The following SEMA5A variants were observed in gnomAD, a reference collection of about 807,000 sequenced individuals.
SEMA5A encodes semaphorin 5A.
In SEMA5A, 55 loss-of-function variants were observed where a neutral mutation model predicts 135.5. That is an observed-to-expected ratio of 0.41 (90% CI 0.33 to 0.51). The LOEUF (loss-of-function observed/expected upper bound fraction) is 0.51. SEMA5A is among the 20% of genes least tolerant of loss of function. The pLI is 0.37. For missense variants in SEMA5A, 1,290 were observed against 1,419.9 expected, an observed-to-expected ratio of 0.91 and a Z score of 1.47; for synonymous variants, 580 against 546.5, an observed-to-expected ratio of 1.06 and a Z score of -0.85.
chr5:9,460,896 T>G (rs1759030699), intron 1 of SEMA5A, among the ~76,000 whole-genome samples: 1 of 152,350 alleles, frequency 6.6e-6, no homozygotes, highest in African/African-American at 2.4e-5. Context: ...AAGACTTAAA[T>G]GTAGTTAAGC....
intron 11 of SEMA5A, among the ~76,000 whole-genome samples, chr5:9,174,415 G>C (rs936568241): frequency 6.6e-6 from 1 of 152,132 alleles, no homozygotes; most frequent in African/African-American, 2.4e-5. Context: ...TCTCTGCAAA[G>C]GCTTTTTTGA....
intron 1 of SEMA5A, among the ~76,000 whole-genome samples, chr5:9,530,505 T>A (rs189577613): frequency 3.9e-5 from 6 of 152,312 alleles, no homozygotes; most frequent in Admixed American, 3.9e-4. Context: ...TAAAGTTATT[T>A]GCCAAAATGT....
At chr5:9,347,282 T>C (rs1190317950) in intron 3 of SEMA5A, among the ~76,000 whole-genome samples, 1 of 152,228 alleles carries the variant, frequency 6.6e-6, no homozygotes, top group East Asian at 1.9e-4. Context: ...AGTCTTCATA[T>C]GATTTTGTTG....
At position 9,068,129 on chromosome 5, in the gene SEMA5A, T is replaced by A. The variant is rs186474583; in HGVS notation, c.2074-1483A>T. ...TCTCTATAGCTTCTGTATCTTCTAA[T>A]TGCTGAATTCCCTTTGCTTTTTTGG... On this transcript the variant is annotated intron_variant, in intron 16 of 22. Coordinates refer to ENST00000382496, the MANE Select transcript of SEMA5A (RefSeq NM_003966.3). 1.7e-3 allele frequency among the ~76,000 whole-genome samples: 259 copies of A among 152,338 alleles called. 1 individual carries two copies. Among genetic ancestry groups the A allele is most frequent in the African/African-American group, 6.1e-3 (253 of 41,584 alleles).
At chr5:9,185,288 G>A (rs573777491) in intron 11 of SEMA5A, among the ~76,000 whole-genome samples, 1 of 152,266 alleles carries the variant, frequency 6.6e-6, no homozygotes, top group East Asian at 1.9e-4. Context: ...TGGGGCTAGG[G>A]GAAGAGAAGG....
At chr5:9,482,790 G>A (rs1759925376) in intron 1 of SEMA5A, among the ~76,000 whole-genome samples, 1 of 152,196 alleles carries the variant, frequency 6.6e-6, no homozygotes, top group Non-Finnish European at 1.5e-5. Flanking sequence ...AAAGAAGCTG[G>A]GCAGGGGCCT....
chr5:9,128,200 C>T (rs1741221281), intron 13 of SEMA5A, among the ~76,000 whole-genome samples: 1 of 152,166 alleles, frequency 6.6e-6, no homozygotes, highest in African/African-American at 2.4e-5. Flanking sequence ...GCACCACCGG[C>T]CATGCTTCTG....
chr5:9,529,300 C>G (rs1488966506), intron 1 of SEMA5A, among the ~76,000 whole-genome samples: 1 of 152,214 alleles, frequency 6.6e-6, no homozygotes, highest in Non-Finnish European at 1.5e-5. Flanking sequence ...GTCCCCACAG[C>G]CTCCTCCCCA....
At chr5:9,392,266 T>A (rs541038799) in intron 2 of SEMA5A, among the ~76,000 whole-genome samples, 109 of 152,194 alleles carry the variant, frequency 7.2e-4, no homozygotes, top group Non-Finnish European at 1.1e-3. Flanking sequence ...GACTGATACA[T>A]TTTTGAGTTT....
intron 18 of SEMA5A, among the ~76,000 whole-genome samples, chr5:9,060,829 A>C (rs1056439709): frequency 6.6e-6 from 1 of 152,184 alleles, no homozygotes; most frequent in African/African-American, 2.4e-5. Flanking sequence ...CCAAGCACCC[A>C]ATCCAATGAA....
chr5:9,499,623 A>G (rs572274799), intron 1 of SEMA5A, among the ~76,000 whole-genome samples: 49 of 152,358 alleles, frequency 3.2e-4, no homozygotes, highest in African/African-American at 1.1e-3. Context: ...GACAGGCAGC[A>G]TCTTTACTCA....
chr5:9,049,157 T>C (rs1203109757), intron 21 of SEMA5A, among the ~76,000 whole-genome samples: 1 of 151,446 alleles, frequency 6.6e-6, no homozygotes, highest in Non-Finnish European at 1.5e-5. Flanking sequence ...TTCTATTATT[T>C]ATTTATTTAT....
intron 2 of SEMA5A, among the ~76,000 whole-genome samples, chr5:9,384,635 G>C (rs810900): frequency 0.11 from 8,504 of 73,952 alleles, 904 homozygotes; most frequent in East Asian, 0.2. Context: ...TAGATAGATA[G>C]ATAGATAGAT....
At chr5:9,399,868 T>A (rs1170579332) in intron 2 of SEMA5A, among the ~76,000 whole-genome samples, 1 of 152,136 alleles carries the variant, frequency 6.6e-6, no homozygotes, top group Non-Finnish European at 1.5e-5. Context: ...TATAGGAAGC[T>A]TTCCATAGTC....
intron 1 of SEMA5A, among the ~76,000 whole-genome samples, chr5:9,467,248 G>A (rs1286881415): frequency 6.6e-6 from 1 of 152,128 alleles, no homozygotes; most frequent in Non-Finnish European, 1.5e-5. Flanking sequence ...GAATAGCTGG[G>A]ATTACAGGCA....
At chr5:9,530,099 T>C (rs1233941372) in intron 1 of SEMA5A, among the ~76,000 whole-genome samples, 1 of 152,216 alleles carries the variant, frequency 6.6e-6, no homozygotes, top group African/African-American at 2.4e-5. Context: ...AGGATGGACA[T>C]TTGTGCATAA....
intron 5 of SEMA5A, among the ~76,000 whole-genome samples, chr5:9,269,709 G>C (rs1749868735): frequency 1.3e-5 from 2 of 151,938 alleles, no homozygotes; most frequent in South Asian, 4.1e-4. Context: ...TGACCTTAAG[G>C]CTTCTATAAA....
At chr5:9,455,381 G>A (rs906758548) in intron 1 of SEMA5A, among the ~76,000 whole-genome samples, 5 of 151,676 alleles carry the variant, frequency 3.3e-5, no homozygotes, top group South Asian at 2.1e-4. Context: ...CCAGCCTCCC[G>A]AGTAGCTGGG....
intron 4 of SEMA5A, among the ~76,000 whole-genome samples, chr5:9,327,352 C>T (rs1221266874): frequency 6.6e-6 from 1 of 152,112 alleles, no homozygotes; most frequent in Admixed American, 6.6e-5. Flanking sequence ...ATTTTTGTTG[C>T]TGTTAATACT....
Sources: gnomAD v4.1 joint callset for allele counts (sites outside exome capture counted in the v4.1 genomes callset) on GRCh38, gnomAD v4.1.1 for gene constraint, MANE v1.5 for transcripts, NCBI Gene and HGNC (gene_info 2026-07-23, HGNC 2026-07-21) for gene names.